TFDP2: variants seen among roughly 807,000 people sequenced by gnomAD.
The protein encoded by TFDP2 is transcription factor Dp-2 (E2F dimerization partner 2).
Under a neutral mutation model 59.3 loss-of-function variants are expected in TFDP2, and 17 were observed. The observed-to-expected ratio is 0.29, with a 90% CI of 0.20 to 0.43. The LOEUF is 0.43. Among genes scored for constraint, TFDP2 ranks in the 20% least tolerant of loss-of-function variants. The probability of loss-of-function intolerance (pLI) is 1.00; values close to 1 mark genes in which losing one functional copy is unlikely to be tolerated. For missense variants in TFDP2, 391 were observed against 528.8 expected (o/e 0.74, Z 2.56); for synonymous variants, 180 against 194.7 (o/e 0.92, Z 0.63).
intron 3 of TFDP2, among the ~76,000 whole-genome samples, chr3:142,068,803 C>T (rs561697798): frequency 5.3e-4 from 80 of 152,192 alleles, no homozygotes; most frequent in Middle Eastern, 6.8e-3. Context: ...AATGGATCTG[C>T]CCGCCTCAGC....
intron 3 of TFDP2, among the ~76,000 whole-genome samples, chr3:142,042,139 T>G (rs1045222089): frequency 4.6e-5 from 7 of 152,238 alleles, no homozygotes; most frequent in African/African-American, 1.7e-4. Context: ...TCTTTTAAAC[T>G]TATATGTTAA....
chr3:142,107,242 T>C (rs1401089967), intron 1 of TFDP2, among the ~76,000 whole-genome samples: 1 of 151,688 alleles, frequency 6.6e-6, no homozygotes, highest in Non-Finnish European at 1.5e-5. Context: ...TTTCTTTTTT[T>C]TTTTTTCGAG....
intron 3 of TFDP2, among the ~76,000 whole-genome samples, chr3:142,038,057 C>T (rs897110712): frequency 5.3e-5 from 8 of 152,006 alleles, no homozygotes; most frequent in South Asian, 2.1e-4. Flanking sequence ...CCCAAGAGTG[C>T]TTGTGCTGAT....
intron 3 of TFDP2, among the ~76,000 whole-genome samples, chr3:142,025,429 T>C (rs967820875): frequency 2.6e-5 from 4 of 152,240 alleles, no homozygotes; most frequent in African/African-American, 9.6e-5. Flanking sequence ...GTCCAAACTA[T>C]GTCCTTGTTG....
At chr3:141,957,234 C>A (rs1936796605) in intron 11 of TFDP2, among the ~76,000 whole-genome samples, 1 of 152,156 alleles carries the variant, frequency 6.6e-6, no homozygotes, top group Non-Finnish European at 1.5e-5. Context: ...AGGAGAATCA[C>A]TTGAACCTGG....
intron 3 of TFDP2, among the ~76,000 whole-genome samples, chr3:142,023,925 C>A (rs966136993): frequency 6.6e-6 from 1 of 152,130 alleles, no homozygotes; most frequent in Non-Finnish European, 1.5e-5. Context: ...CTCATTCTCC[C>A]GAGTAGCTGG....
chr3:141,971,446 G>A (rs1939733392), intron 8 of TFDP2, among the ~76,000 whole-genome samples: 1 of 151,832 alleles, frequency 6.6e-6, no homozygotes, highest in African/African-American at 2.4e-5. Context: ...CTACTCGGGA[G>A]GCTGAGGCAG....
At chr3:142,102,962 G>A (rs531222102) in intron 1 of TFDP2, among the ~76,000 whole-genome samples, 2 of 152,290 alleles carry the variant, frequency 1.3e-5, no homozygotes, top group East Asian at 1.9e-4. Context: ...ACTGCTGGGC[G>A]CAGCGGCTCA....
intron 2 of TFDP2, among the ~76,000 whole-genome samples, chr3:142,097,392 C>T (rs899390519): frequency 1.2e-4 from 18 of 152,066 alleles, no homozygotes; most frequent in Admixed American, 4.6e-4. Flanking sequence ...CAATAAATAA[C>T]ATAAAATAGC....
intron 3 of TFDP2, among the ~76,000 whole-genome samples, chr3:142,024,449 T>C (rs1945904596): frequency 6.6e-6 from 1 of 152,212 alleles, no homozygotes; most frequent in Admixed American, 6.5e-5. Context: ...TGTAAAAGGT[T>C]TTCTCTTCAG....
At chr3:142,147,450 A>G (rs2063217781) in intron 1 of TFDP2, among the ~76,000 whole-genome samples, 1 of 152,232 alleles carries the variant, frequency 6.6e-6, no homozygotes, top group Non-Finnish European at 1.5e-5. Context: ...CACGGCTCAG[A>G]CAGTTAAGAA....
chr3:141,987,422 C>T (rs1942221357), intron 6 of TFDP2, among the ~76,000 whole-genome samples: 2 of 151,892 alleles, frequency 1.3e-5, no homozygotes, highest in Admixed American at 1.3e-4. Context: ...GCTGGGACTA[C>T]AGGTGCATCC....
chr3:142,091,742 T>A (rs145953856), intron 3 of TFDP2, among the ~76,000 whole-genome samples: 76 of 152,234 alleles, frequency 5.0e-4, no homozygotes, highest in East Asian at 1.7e-3. Context: ...GATGAAACTG[T>A]TCCACCTCAG....
At chr3:142,029,030 G>A (rs1045845607) in intron 3 of TFDP2, 2 of 152,536 alleles carry the variant, frequency 1.3e-5, no homozygotes, top group African/African-American at 4.8e-5. Context: ...TAAAAAATAA[G>A]ATTAAACTTA....
intron 6 of TFDP2, among the ~76,000 whole-genome samples, chr3:141,988,821 C>T (rs2108143265): frequency 6.6e-6 from 1 of 151,944 alleles, no homozygotes; most frequent in South Asian, 2.1e-4. Context: ...CGCCACCATG[C>T]CCAGCTATAT....
At chr3:142,091,112 G>A (rs2060982988) in intron 3 of TFDP2, among the ~76,000 whole-genome samples, 1 of 152,188 alleles carries the variant, frequency 6.6e-6, no homozygotes, top group Admixed American at 6.5e-5. Flanking sequence ...CCTCACGGCA[G>A]TCTGGAGTGG....
intron 3 of TFDP2, among the ~76,000 whole-genome samples, chr3:142,025,828 T>C (rs1946038628): frequency 6.6e-6 from 1 of 152,120 alleles, no homozygotes; most frequent in South Asian, 2.1e-4. Context: ...GCCAGGCGTG[T>C]GGGCGCATGC....
At chr3:142,120,459 A>C (rs1246308502) in intron 1 of TFDP2, among the ~76,000 whole-genome samples, 1 of 152,248 alleles carries the variant, frequency 6.6e-6, no homozygotes, top group East Asian at 1.9e-4. Flanking sequence ...AGAAAAACTG[A>C]AAGATTCACA....
In TFDP2 at chr3:141,949,807, A is replaced by ATTCTTT. The variant is rs1553751359; in HGVS notation, c.*2705_*2706insAAAGAA. On this transcript the variant is annotated 3_prime_UTR_variant, in exon 13 of 13. Coordinates refer to ENST00000489671, the MANE Select transcript of TFDP2 (RefSeq NM_001178139.2). ...CCTGGGCATTGTGACCACAACTTCCATTTTTTTTTTTTTTTTTTTTGAGAC... is the reference window on the plus strand; with the variant it reads ...CCTGGGCATTGTGACCACAACTTCCATTCTTTTTTTTTTTTTTTTTTTTTTTGAGAC... 1 of 98,030 alleles carries ATTCTTT rather than the reference A, an allele frequency of 1.0e-5. No homozygotes were observed. Among genetic ancestry groups the ATTCTTT allele is most frequent in the African/African-American group, 4.4e-5 (1 of 22,924 alleles). The allele number at this position is 98,030 out of a possible 1,614,324, so 6.1% of individuals were successfully genotyped here.
Sources: allele counts gnomAD v4.1 joint callset (sites outside exome capture counted in the v4.1 genomes callset), GRCh38; gene constraint gnomAD v4.1.1; transcripts MANE v1.5; gene names NCBI Gene and HGNC (gene_info 2026-07-23, HGNC 2026-07-21).